Variants in PUM2 observed in about 807,000 individuals in gnomAD.
PUM2 encodes pumilio RNA binding family member 2.
Under a neutral mutation model 124.5 loss-of-function variants are expected in PUM2, and 57 were observed. The ratio of observed to expected loss-of-function variants is 0.46; its 90% confidence interval spans 0.37 to 0.57. The LOEUF (loss-of-function observed/expected upper bound fraction) is 0.57, where lower values mean the gene tolerates loss of function less well. Among genes scored for constraint, PUM2 ranks in the 20% least tolerant of loss-of-function variants. The pLI, the probability that PUM2 is intolerant of heterozygous loss-of-function variation, is 0.00. For missense variants in PUM2, 1,065 were observed against 1,290.6 expected (o/e 0.83, Z 2.68); for synonymous variants, 460 against 446.1 (o/e 1.03, Z -0.39).
intron 1 of PUM2, among the ~76,000 whole-genome samples, chr2:20,347,983 G>A (rs1411754405): frequency 1.3e-5 from 2 of 152,112 alleles, no homozygotes; most frequent in African/African-American, 2.4e-5. Flanking sequence ...GCGAAGTGAG[G>A]AGGCAGGACA....
At chr2:20,342,927 C>T (rs1434663409) in intron 1 of PUM2, among the ~76,000 whole-genome samples, 2 of 151,964 alleles carry the variant, frequency 1.3e-5, no homozygotes, top group Non-Finnish European at 1.5e-5. Context: ...TGGAGAGAAA[C>T]CAAATCTGTG....
chr2:20,273,005 C>G (rs1234304473), intron 13 of PUM2, among the ~76,000 whole-genome samples: 1 of 152,166 alleles, frequency 6.6e-6, no homozygotes, highest in Non-Finnish European at 1.5e-5. Flanking sequence ...TTGGCTAACA[C>G]TGCAAATCTC....
intron 8 of PUM2, among the ~76,000 whole-genome samples, chr2:20,296,595 C>T (rs566216335): frequency 8.1e-6 from 1 of 123,534 alleles, no homozygotes; most frequent in Non-Finnish European, 1.7e-5. Flanking sequence ...TCGCTCAAAG[C>T]CCCCCCAGCC....
chr2:20,309,865 A>G (rs1265482517), intron 5 of PUM2, among the ~76,000 whole-genome samples: 1 of 152,136 alleles, frequency 6.6e-6, no homozygotes, highest in Non-Finnish European at 1.5e-5. Context: ...GCAAACTTAC[A>G]CTCACTTAAA....
In PUM2 at chr2:20,350,638, C is replaced by G; in HGVS notation, c.-60G>C. 1.0e-6 allele frequency: 1 copy of G among 985,488 alleles called. No homozygotes were observed. Among genetic ancestry groups the G allele is most frequent in the African/African-American group, 1.7e-5 (1 of 57,346 alleles). The allele number at this position is 985,488 out of a possible 1,614,324, so 61.0% of individuals were successfully genotyped here. Reference sequence around the variant, plus strand: ...CGCTGCCTCAGCCGGGGACACCGACCGTTGGGCACACGGCGGCGTCGCTCT... The same window carrying G: ...CGCTGCCTCAGCCGGGGACACCGACGGTTGGGCACACGGCGGCGTCGCTCT... On this transcript the variant is annotated 5_prime_UTR_variant, in exon 1 of 21. Transcript: ENST00000361078.
intron 9 of PUM2, 109 bp downstream of exon 9, chr2:20,294,267 T>G: frequency 8.3e-7 from 1 of 1,205,132 alleles, no homozygotes; most frequent in Non-Finnish European, 1.2e-6. Context: ...ATGCCAGGAG[T>G]CGTGTTACAC....
chr2:20,351,004 A>G (rs1689277886), upstream of PUM2, among the ~76,000 whole-genome samples: 1 of 151,500 alleles, frequency 6.6e-6, no homozygotes, highest in Non-Finnish European at 1.5e-5. Flanking sequence ...CCGCGCTCTC[A>G]CGTGTTTGGC....
rs376883817 is a variant in PUM2 at position 20,290,638 on chromosome 2, G to A, written c.1291+14C>T. The stretch of plus-strand genomic sequence containing the variant: ...GAAATCTATTCAAATTTCCACAAAT[G>A]ACCAATTGTATACCTGGCATGCCAG... On this transcript the variant is annotated intron_variant, in intron 10 of 20. Transcript: ENST00000361078. 1.1e-5 allele frequency: 18 copies of A among 1,594,552 alleles called. No individual in the cohort carries two copies. In the African/African-American group the frequency reaches 2.3e-4, roughly 20 times the overall value.
At chr2:20,289,484 T>G (rs1463636951) in intron 10 of PUM2, among the ~76,000 whole-genome samples, 1 of 152,176 alleles carries the variant, frequency 6.6e-6, no homozygotes, top group East Asian at 1.9e-4. Context: ...TGCCAAGGTC[T>G]CTAATCCACA....
chr2:20,250,730 ATGTC>A lies in PUM2; in HGVS notation c.*851_*854del, dbSNP rs2148341884. The stretch of plus-strand genomic sequence containing the variant: ...AAATAAAGCTCAACACTTCCTCAAC[ATGTC>A]TGTAATTCTATAAGCAAAACAAAAT... On this transcript the variant is annotated 3_prime_UTR_variant, in exon 21 of 21. Transcript: ENST00000361078. The A allele has an allele frequency of 6.6e-6, 1 of 152,426 alleles. No individual in the cohort carries two copies. The highest frequency in any genetic ancestry group is 2.1e-4 in the South Asian group (1 of 4,822). 9.4% of individuals were successfully genotyped at this position (152,426 alleles called of 1,614,324 possible).
chr2:20,321,315 CA>C (rs928627074), intron 2 of PUM2, among the ~76,000 whole-genome samples: 16 of 152,128 alleles, frequency 1.1e-4, no homozygotes, highest in African/African-American at 2.9e-4. Flanking sequence ...AGAAAAAACG[CA>C]AATTGTTTAC....
intron 1 of PUM2, among the ~76,000 whole-genome samples, chr2:20,345,185 A>T (rs996620730): frequency 2.7e-5 from 4 of 149,594 alleles, no homozygotes; most frequent in African/African-American, 9.9e-5. Flanking sequence ...CTGCAGCCTC[A>T]GTCTCCTGGA....
intron 13 of PUM2, among the ~76,000 whole-genome samples, chr2:20,266,480 C>T (rs894049382): frequency 2.0e-5 from 3 of 149,020 alleles, no homozygotes; most frequent in Admixed American, 6.6e-5. Context: ...ACAACAACAA[C>T]CCCCCCACCA....
chr2:20,318,432 C>T, intron 3 of PUM2, 105 bp downstream of exon 3: 1 of 1,023,006 alleles, frequency 9.8e-7, no homozygotes, highest in Non-Finnish European at 1.4e-6. Flanking sequence ...CAAAACTATA[C>T]AAAAAATGCA....
chr2:20,256,818 G>A (rs561897058), intron 16 of PUM2, among the ~76,000 whole-genome samples: 1 of 152,208 alleles, frequency 6.6e-6, no homozygotes, highest in Admixed American at 6.5e-5. Flanking sequence ...GCCTGAGGCT[G>A]GTGGATCACC....
intron 12 of PUM2, among the ~76,000 whole-genome samples, chr2:20,279,353 T>C (rs1373470971): frequency 1.3e-5 from 2 of 152,154 alleles, no homozygotes; most frequent in Non-Finnish European, 2.9e-5. Flanking sequence ...TATTGATCAG[T>C]TGTGAAATAC....
intron 14 of PUM2, among the ~76,000 whole-genome samples, chr2:20,261,141 A>G (rs974264111): frequency 1.3e-5 from 2 of 152,138 alleles, no homozygotes; most frequent in African/African-American, 4.8e-5. Flanking sequence ...ATGTAATCTC[A>G]GCACTCTGGG....
At chr2:20,294,323 G>A in intron 9 of PUM2, 53 bp downstream of exon 9, 1 of 1,583,476 alleles carries the variant, frequency 6.3e-7, no homozygotes, top group Non-Finnish European at 8.6e-7. Flanking sequence ...AACATTAGGA[G>A]CTCAAAGAAT....
At chr2:20,295,916 G>A (rs1399843715) in intron 8 of PUM2, among the ~76,000 whole-genome samples, 1 of 152,072 alleles carries the variant, frequency 6.6e-6, no homozygotes, top group African/African-American at 2.4e-5. Flanking sequence ...GACAATGCTG[G>A]TCCTAGAAAA....
Sources: allele counts gnomAD v4.1 joint callset (sites outside exome capture counted in the v4.1 genomes callset), GRCh38; gene constraint gnomAD v4.1.1; transcripts MANE v1.5; gene names NCBI Gene and HGNC (gene_info 2026-07-23, HGNC 2026-07-21).